Variants in ADGRG7 observed in about 807,000 individuals in gnomAD.
The protein encoded by ADGRG7 is G-protein coupled receptor 128.
In ADGRG7, 82 loss-of-function variants were observed where a neutral mutation model predicts 88.6. That is an observed-to-expected ratio of 0.93 (90% CI 0.77 to 1.11). The LOEUF (loss-of-function observed/expected upper bound fraction) is 1.11, where lower values mean the gene tolerates loss of function less well. Among genes scored for constraint, ADGRG7 ranks in the 50% most tolerant of loss-of-function variants. The pLI is 0.00. For missense variants in ADGRG7, 945 were observed against 953.4 expected, an observed-to-expected ratio of 0.99 and a Z score of 0.12; for synonymous variants, 381 against 345.2, an observed-to-expected ratio of 1.10 and a Z score of -1.15.
At chr3:100,671,524 T>A (rs1002395666) in intron 15 of ADGRG7, among the ~76,000 whole-genome samples, 4 of 152,242 alleles carry the variant, frequency 2.6e-5, no homozygotes, top group Non-Finnish European at 5.9e-5. Context: ...ACTCTGATGA[T>A]AGTTTCTTTT....
chr3:100,634,309 G>A (rs1707501337), intron 4 of ADGRG7, among the ~76,000 whole-genome samples: 1 of 152,178 alleles, frequency 6.6e-6, no homozygotes, highest in South Asian at 2.1e-4. Context: ...ACTTCTGTGA[G>A]TTGAATGTTA....
intron 1 of ADGRG7, among the ~76,000 whole-genome samples, chr3:100,623,797 G>A (rs996032518): frequency 1.3e-5 from 2 of 152,032 alleles, no homozygotes; most frequent in Admixed American, 6.6e-5. Flanking sequence ...GAGAACATGC[G>A]GTGTTTGGTT....
intron 15 of ADGRG7, among the ~76,000 whole-genome samples, chr3:100,688,501 C>G (rs553480232): frequency 1.7e-4 from 26 of 152,138 alleles, no homozygotes; most frequent in Non-Finnish European, 3.1e-4. Flanking sequence ...CCTGCTTTCT[C>G]TTGTGGGCAT....
Position 100,635,677 on chromosome 3 carries a change from G to A in ADGRG7, c.448G>A (p.Val150Ile), listed in dbSNP as rs1443343461. 2 of 1,611,796 alleles carry A rather than the reference G, an allele frequency of 1.2e-6. No individual in the cohort carries two copies. The highest frequency in any genetic ancestry group is 8.5e-7 in the Non-Finnish European group (1 of 1,179,306). The change falls in exon 5 of 16, where the codon GTA (valine) becomes ATA (isoleucine). Residue 150 changes from valine (V) to isoleucine (I), a missense_variant and splice_region_variant. Physicochemically the swap from Val to Ile is conservative, Grantham distance 29. Coordinates refer to ENST00000273352, the MANE Select transcript of ADGRG7 (RefSeq NM_032787.3). ...GTTTTTTTTCTGGTTTTTAAAACAG[G>A]TAAAGGATGTCACAGCACCACTTAA... The part of the protein sequence containing the change: ...NENLETLEKQ[V>I]KDVTAPLNNI...
At chr3:100,631,774 T>A (rs1179529202) in intron 3 of ADGRG7, among the ~76,000 whole-genome samples, 1 of 152,192 alleles carries the variant, frequency 6.6e-6, no homozygotes, top group Non-Finnish European at 1.5e-5. Context: ...TTTAAATTAC[T>A]TTTTATCTTA....
chr3:100,633,198 C>A lies in ADGRG7; in HGVS notation c.335-67C>A, dbSNP rs998119894. On this transcript the variant is annotated intron_variant, in intron 3 of 15. Coordinates refer to ENST00000273352, the MANE Select transcript of ADGRG7 (RefSeq NM_032787.3). ...AACTTTTAATAAAAATTAGTTATTG[C>A]CTAAAAATAATAGGCAATAATTTTA... is the stretch of plus-strand genomic sequence containing the variant. The A allele has an allele frequency of 5.5e-6, 4 of 724,926 alleles. No individual in the cohort carries two copies. The Admixed American group carries it at 1.2e-4, about 23-fold the overall frequency. 44.9% of individuals were successfully genotyped at this position (724,926 alleles called of 1,614,324 possible).
In ADGRG7 at chr3:100,609,963, T is replaced by G; in HGVS notation, c.107T>G (p.Ile36Ser). ...GLGIWRIVIR[I>S]QRGKSTSSSS... ...GGCATCTGGAGGATTGTGATCAGGA[T>G]CCAAAGAGGTAATGTTGTCCTGCTA... The change falls in exon 1 of 16, where the codon ATC becomes AGC. Residue 36 changes from isoleucine (I) to serine (S), a missense_variant. By Grantham distance (142) the Ile-to-Ser change is moderately radical (BLOSUM62 -2). Transcript: ENST00000273352. 6.2e-7 allele frequency: 1 copy of G among 1,611,998 alleles called. No homozygotes were observed.
intron 6 of ADGRG7, among the ~76,000 whole-genome samples, chr3:100,639,996 C>G (rs1707611611): frequency 6.6e-6 from 1 of 152,182 alleles, no homozygotes; most frequent in Non-Finnish European, 1.5e-5. Context: ...TAATAATGTT[C>G]CATCAGTTTA....
chr3:100,664,500 C>G (rs1411155815), intron 14 of ADGRG7, among the ~76,000 whole-genome samples: 1 of 152,108 alleles, frequency 6.6e-6, no homozygotes, highest in Non-Finnish European at 1.5e-5. Flanking sequence ...AGTTTCTAGA[C>G]TTGATTAAAA....
intron 14 of ADGRG7, chr3:100,665,016 A>G: frequency 2.2e-6 from 1 of 449,498 alleles, no homozygotes; most frequent in Non-Finnish European, 4.5e-6. Flanking sequence ...TGGTAGGGCA[A>G]TACATAAATA....
chr3:100,624,554 T>C (rs1165257), intron 1 of ADGRG7, among the ~76,000 whole-genome samples: 45,675 of 152,036 alleles, frequency 0.3, 7,272 homozygotes, highest in Non-Finnish European at 0.35. Context: ...ATCCCATTTG[T>C]CAATTTTGGC....
chr3:100,637,059 C>T (rs1222332220), intron 5 of ADGRG7, among the ~76,000 whole-genome samples: 3 of 152,112 alleles, frequency 2.0e-5, no homozygotes, highest in East Asian at 1.9e-4. Flanking sequence ...GCTATGAGGT[C>T]GAATTCAGGG....
intron 14 of ADGRG7, among the ~76,000 whole-genome samples, chr3:100,666,182 G>A (rs149623013): frequency 2.0e-4 from 31 of 151,896 alleles, no homozygotes; most frequent in Admixed American, 6.6e-4. Flanking sequence ...GGTGTTTCTC[G>A]TAAGGTGGAA....
At chr3:100,611,345 G>C (rs7624452) in intron 1 of ADGRG7, among the ~76,000 whole-genome samples, 2 of 136,460 alleles carry the variant, frequency 1.5e-5, no homozygotes, top group African/African-American at 6.1e-5. Context: ...CCTTCCCCCC[G>C]TTCCTTTTTT....
chr3:100,654,891 T>A lies in ADGRG7; in HGVS notation c.1436T>A (p.Leu479Ter). The A allele has an allele frequency of 6.2e-7, 1 of 1,614,016 alleles. No homozygotes were observed. The highest frequency in any genetic ancestry group is 8.5e-7 in the Non-Finnish European group (1 of 1,179,870). ...WVLVNLCISM[L>*]IFNLLFVFGI... is the part of the protein sequence containing the mutation. ...TTGGTCAATCTGTGCATATCAATGTTGATTTTCAACCTCCTCTTTGTGTTT... is the reference window on the plus strand; with the variant it reads ...TTGGTCAATCTGTGCATATCAATGTAGATTTTCAACCTCCTCTTTGTGTTT... Residue 479 changes from leucine to a stop codon, truncating the protein, a stop_gained, in exon 12 of 16, where the codon TTG becomes TAG. Coordinates refer to ENST00000273352, the MANE Select transcript of ADGRG7 (RefSeq NM_032787.3). LOFTEE classifies it high-confidence loss of function.
intron 6 of ADGRG7, among the ~76,000 whole-genome samples, chr3:100,639,038 GTGTGTGTGTGTGTGTGTGTATGTA>G (rs1476451047): frequency 7.0e-6 from 1 of 143,412 alleles, no homozygotes; most frequent in Non-Finnish European, 1.5e-5. Flanking sequence ...GTGTGTGTGT[GTGTGTGTGTGTGTGTGTGTATGTA>G]TATGTATATT....
intron 8 of ADGRG7, among the ~76,000 whole-genome samples, chr3:100,644,253 G>A (rs1392504722): frequency 2.0e-5 from 3 of 151,598 alleles, no homozygotes; most frequent in Non-Finnish European, 2.9e-5. Flanking sequence ...AAAAAAACCC[G>A]ATGTCAGAAA....
chr3:100,666,723 C>G (rs2094952333), intron 14 of ADGRG7, among the ~76,000 whole-genome samples: 1 of 152,128 alleles, frequency 6.6e-6, no homozygotes, highest in South Asian at 2.1e-4. Flanking sequence ...CAGGTCTTTC[C>G]CTTCCCACGA....
At position 100,609,695 on chromosome 3, in the gene ADGRG7, A is replaced by G; in HGVS notation, c.-162A>G. 1.8e-6 allele frequency: 1 copy of G among 554,260 alleles called. No individual in the cohort carries two copies. Among genetic ancestry groups the G allele is most frequent in the South Asian group, 2.0e-5 (1 of 49,406 alleles). 34.3% of individuals were successfully genotyped at this position (554,260 alleles called of 1,614,324 possible). A position where few individuals can be genotyped will look rare whatever the true frequency, so the allele number is the denominator to read the frequency against. On this transcript the variant is annotated 5_prime_UTR_variant, in exon 1 of 16. The change abolishes the stop of an existing upstream ORF in the 5' untranslated region. Transcript: ENST00000273352. ...GATTCAAACTGCATCCTACTGGATTAGCCTCAAAAGTCCTAAAATACAAAG... is the reference window on the plus strand; with the variant it reads ...GATTCAAACTGCATCCTACTGGATTGGCCTCAAAAGTCCTAAAATACAAAG...
Sources: gnomAD v4.1 joint callset for allele counts (sites outside exome capture counted in the v4.1 genomes callset) on GRCh38, gnomAD v4.1.1 for gene constraint, MANE v1.5 for transcripts, NCBI Gene and HGNC (gene_info 2026-07-23, HGNC 2026-07-21) for gene names.